The following GRTP1 variants were observed in gnomAD, a reference collection of about 807,000 sequenced individuals.
The protein encoded by GRTP1 is growth hormone regulated TBC protein 1, also known as growth hormone-regulated TBC protein 1.
In GRTP1, 56 loss-of-function variants were observed where a neutral mutation model predicts 38.1. That is an observed-to-expected ratio of 1.47 (90% CI 1.19 to 1.84). The LOEUF is 1.84. Ranked by LOEUF, GRTP1 falls within the 40% of genes most tolerant of loss-of-function variation. The probability of loss-of-function intolerance (pLI) is 0.00; values close to 1 mark genes in which losing one functional copy is unlikely to be tolerated. For missense variants in GRTP1, 506 were observed against 453.9 expected (o/e 1.11, Z -1.04); for synonymous variants, 217 against 189.5 (o/e 1.14, Z -1.19).
chr13:113,352,364 A>ATATATATATATTTATATATATTTTT (rs1566438105), intron 3 of GRTP1, among the ~76,000 whole-genome samples: 2 of 113,636 alleles, frequency 1.8e-5, no homozygotes, highest in African/African-American at 3.3e-5. Flanking sequence ...TATATTTTAT[A>ATATATATATATTTATATATATTTTT]TATATATATA....
intron 5 of GRTP1, among the ~76,000 whole-genome samples, chr13:113,340,179 A>C (rs2043006893): frequency 6.6e-6 from 1 of 151,712 alleles, no homozygotes; most frequent in Non-Finnish European, 1.5e-5. Context: ...TGCTACGATT[A>C]CAGGTATGAG....
chr13:113,345,690 A>G (rs1235708982), intron 4 of GRTP1, among the ~76,000 whole-genome samples: 1 of 152,236 alleles, frequency 6.6e-6, no homozygotes, highest in Non-Finnish European at 1.5e-5. Context: ...GCAGCTGCAG[A>G]GAGCGATGCT....
chr13:113,337,612 C>T (rs2042971370), intron 5 of GRTP1, among the ~76,000 whole-genome samples: 1 of 152,240 alleles, frequency 6.6e-6, no homozygotes, highest in Non-Finnish European at 1.5e-5. Context: ...AATAAGCTCA[C>T]ACTTAAGGTG....
intron 5 of GRTP1, among the ~76,000 whole-genome samples, chr13:113,338,038 T>A (rs1005658912): frequency 1.3e-5 from 2 of 152,314 alleles, no homozygotes; most frequent in Admixed American, 6.5e-5. Flanking sequence ...TTTCAGGATG[T>A]AGAGCGCTAA....
intron 3 of GRTP1, 95 bp downstream of exon 3, chr13:113,355,228 C>A: frequency 1.6e-6 from 2 of 1,279,442 alleles, no homozygotes; most frequent in Non-Finnish European, 1.1e-6. Context: ...GCAGGCGCAC[C>A]GCTCACCCCT....
intron 5 of GRTP1, among the ~76,000 whole-genome samples, chr13:113,329,887 G>T (rs2042832004): frequency 6.6e-6 from 1 of 152,376 alleles, no homozygotes; most frequent in East Asian, 1.9e-4. Context: ...ATGGTTACGT[G>T]AATGAGATAA....
intron 5 of GRTP1, among the ~76,000 whole-genome samples, chr13:113,341,464 A>C (rs976134416): frequency 1.3e-5 from 2 of 152,036 alleles, no homozygotes; most frequent in Non-Finnish European, 2.9e-5. Context: ...ATGGGGTTTC[A>C]CCATGTTGGT....
intron 4 of GRTP1, among the ~76,000 whole-genome samples, chr13:113,347,401 C>T (rs1464810494): frequency 3.3e-5 from 3 of 90,748 alleles, no homozygotes; most frequent in Non-Finnish European, 4.6e-5. Context: ...CCCGGGAGGA[C>T]CTCTGTGGCT....
At chr13:113,363,632 G>A in intron 2 of GRTP1, 130 bp downstream of exon 2, 1 of 960,318 alleles carries the variant, frequency 1.0e-6, no homozygotes, top group Non-Finnish European at 1.5e-6. Flanking sequence ...CTCGGAGCCC[G>A]CAGCTTCGTC....
At chr13:113,325,571 TGCACCCTCCGGGTGGTCAGA>T (rs765426796) in intron 7 of GRTP1, 70 bp downstream of exon 7, 5 of 1,602,864 alleles carry the variant, frequency 3.1e-6, no homozygotes, top group Non-Finnish European at 4.3e-6. Flanking sequence ...GCCCGTCCTG[TGCACCCTCCGGGTGGTCAGA>T]GCAGCCCCCG....
At chr13:113,332,418 C>T (rs1039483515) in intron 5 of GRTP1, among the ~76,000 whole-genome samples, 13 of 152,068 alleles carry the variant, frequency 8.5e-5, no homozygotes, top group Admixed American at 3.3e-4. Context: ...CACGTGCACA[C>T]GCACACCACA....
At position 113,364,112 on chromosome 13, in the gene GRTP1, G is replaced by C. The variant is rs982077906; in HGVS notation, c.-61C>G. The C allele has an allele frequency of 3.6e-5, 44 of 1,206,638 alleles. No individual in the cohort carries two copies. In the African/African-American group the frequency reaches 7.5e-4, roughly 21 times the overall value. 74.7% of individuals were successfully genotyped at this position (1,206,638 alleles called of 1,614,324 possible). A position where few individuals can be genotyped will look rare whatever the true frequency, so the allele number is the denominator to read the frequency against. Reference sequence around the variant, plus strand: ...GGTCCCAAGTTCGCCTCCCGGCTCCGGGGCGCTTAAGTCCTTCCGGCGGGA... The same window carrying C: ...GGTCCCAAGTTCGCCTCCCGGCTCCCGGGCGCTTAAGTCCTTCCGGCGGGA... On this transcript the variant is annotated 5_prime_UTR_variant, in exon 1 of 8. Coordinates refer to ENST00000375431, the MANE Select transcript of GRTP1 (RefSeq NM_024719.4).
At chr13:113,325,075 A>G (rs902938149) in intron 7 of GRTP1, 50 of 972,930 alleles carry the variant, frequency 5.1e-5, no homozygotes, top group Non-Finnish European at 5.9e-5. Context: ...GGTGATCCAC[A>G]CGCCTTGGCC....
rs1186327555 is a variant in GRTP1 at position 113,349,623 on chromosome 13, C to T, written c.465+1226G>A. ...TGCCAGCCAGCTACAGAGCCACACACGCACAGCACGTGGAACAGCTGGTGA... is the reference window on the plus strand; with the variant it reads ...TGCCAGCCAGCTACAGAGCCACACATGCACAGCACGTGGAACAGCTGGTGA... On this transcript the variant is annotated intron_variant, in intron 4 of 7. Coordinates refer to ENST00000375431, the MANE Select transcript of GRTP1 (RefSeq NM_024719.4). This position sits in a 1 kb window ranked among gnomAD's most constrained non-coding sequence, Gnocchi z 5.0. 2.0e-5 allele frequency among the ~76,000 whole-genome samples: 3 copies of T among 152,224 alleles called. No individual in the cohort carries two copies. Among genetic ancestry groups the T allele is most frequent in the Non-Finnish European group, 4.4e-5 (3 of 68,036 alleles).
chr13:113,364,045 G>A lies in GRTP1; in HGVS notation c.7C>T (p.Pro3Ser), dbSNP rs762963544. 116 of 1,289,946 alleles carry A rather than the reference G, an allele frequency of 9.0e-5. No individual in the cohort carries two copies. The highest frequency in any genetic ancestry group is 1.1e-4 in the Non-Finnish European group (110 of 1,024,196). The allele number at this position is 1,289,946 out of a possible 1,614,324, so 79.9% of individuals were successfully genotyped here. The change falls in exon 1 of 8, where the codon CCC (proline) becomes TCC (serine). Residue 3 changes from proline to serine, a missense_variant. By Grantham distance (74) the Pro-to-Ser change is moderately conservative (BLOSUM62 -1). Transcript: ENST00000375431. MQ[P>S]AERSRVPRID... ...CTGGGGACCCGCGAGCGCTCGGCGG[G>A]CTGCATGCGGGGAGGGAGGCGCGCA...
chr13:113,351,914 C>G (rs2139501546), intron 3 of GRTP1: 1 of 152,298 alleles, frequency 6.6e-6, no homozygotes, highest in East Asian at 1.9e-4. Flanking sequence ...TGGGTGTACA[C>G]CCAGCTCTGG....
chr13:113,333,834 A>ATTTAT (rs1566418510), intron 5 of GRTP1, among the ~76,000 whole-genome samples: 1 of 92,040 alleles, frequency 1.1e-5, no homozygotes, highest in South Asian at 4.2e-4. Flanking sequence ...TTATTTATTT[A>ATTTAT]TTTAGTGTGT....
chr13:113,364,105 C>A lies in GRTP1; in HGVS notation c.-54G>T, dbSNP rs2043555028. On this transcript the variant is annotated 5_prime_UTR_variant, in exon 1 of 8. Coordinates refer to ENST00000375431, the MANE Select transcript of GRTP1 (RefSeq NM_024719.4). ...GCCAGCGGGTCCCAAGTTCGCCTCC[C>A]GGCTCCGGGGCGCTTAAGTCCTTCC... The A allele has an allele frequency of 2.5e-6, 3 of 1,217,784 alleles. No individual in the cohort carries two copies. Among genetic ancestry groups the A allele is most frequent in the Admixed American group, 4.1e-5 (1 of 24,474 alleles). The allele number at this position is 1,217,784 out of a possible 1,614,324, so 75.4% of individuals were successfully genotyped here.
chr13:113,326,273 A>G (rs558790441), intron 5 of GRTP1, among the ~76,000 whole-genome samples, 182 bp from the exon 6 acceptor site: 82 of 147,698 alleles, frequency 5.6e-4, no homozygotes, highest in African/African-American at 1.9e-3. Flanking sequence ...ATGGGGAGCG[A>G]CCCCCACAGC....
Sources: gnomAD v4.1 joint callset for allele counts (sites outside exome capture counted in the v4.1 genomes callset) on GRCh38, gnomAD v4.1.1 for gene constraint, Gnocchi (gnomAD v3.1) non-coding constraint, MANE v1.5 for transcripts, NCBI Gene and HGNC (gene_info 2026-07-23, HGNC 2026-07-21) for gene names.